RAB6B: variants seen among roughly 807,000 people sequenced by gnomAD.
RAB6B encodes RAB6B, member RAS oncogene family.
A neutral mutation model predicts 31.2 loss-of-function variants in RAB6B; 7 were observed. That is an observed-to-expected ratio of 0.22 (90% CI 0.13 to 0.42). RAB6B has a LOEUF of 0.42. Among genes scored for constraint, RAB6B ranks in the 10% least tolerant of loss-of-function variants. The probability of loss-of-function intolerance (pLI) is 1.00; values close to 1 mark genes in which losing one functional copy is unlikely to be tolerated. For missense variants in RAB6B, 149 were observed against 280.6 expected, an observed-to-expected ratio of 0.53 and a Z score of 3.35; for synonymous variants, 105 against 104.9, an observed-to-expected ratio of 1.00 and a Z score of -0.01.
chr3:133,842,034 C>G (rs1935843919), intron 2 of RAB6B, among the ~76,000 whole-genome samples: 1 of 152,262 alleles, frequency 6.6e-6, no homozygotes, highest in Admixed American at 6.5e-5. Context: ...ATGGCCTAAC[C>G]TGCAGCTTCC....
At chr3:133,875,611 A>G (rs1936384670) in intron 1 of RAB6B, among the ~76,000 whole-genome samples, 1 of 151,864 alleles carries the variant, frequency 6.6e-6, no homozygotes. Flanking sequence ...GCCCTTCCAT[A>G]CTCCCATAGA....
chr3:133,830,741 A>G (rs1419060923), intron 7 of RAB6B, among the ~76,000 whole-genome samples: 1 of 152,184 alleles, frequency 6.6e-6, no homozygotes, highest in Non-Finnish European at 1.5e-5. Flanking sequence ...TCTTGACCCC[A>G]GCCTTCTACT....
intron 1 of RAB6B, among the ~76,000 whole-genome samples, chr3:133,874,708 T>C (rs1329799747): frequency 6.6e-6 from 1 of 152,256 alleles, no homozygotes; most frequent in Non-Finnish European, 1.5e-5. Context: ...ACATTTTGAC[T>C]CTTTTGTAAT....
intron 1 of RAB6B, 34 bp downstream of exon 1, chr3:133,895,363 G>C (rs1455433671): frequency 3.1e-6 from 5 of 1,602,638 alleles, no homozygotes; most frequent in Non-Finnish European, 8.5e-7. Context: ...GGGTCGACTC[G>C]GCGACAAGCC....
At position 133,827,943 on chromosome 3, in the gene RAB6B, G is replaced by C; in HGVS notation, c.*845C>G. The stretch of plus-strand genomic sequence containing the variant: ...TTTCAGAAGTACACATGGCACCCCA[G>C]TCTATAAACCACGCACCACGCAGCT... On this transcript the variant is annotated 3_prime_UTR_variant, in exon 8 of 8. Transcript: ENST00000285208. 1 of 702,974 alleles carries C rather than the reference G, an allele frequency of 1.4e-6. No homozygotes were observed. The highest frequency in any genetic ancestry group is 1.5e-5 in the South Asian group (1 of 67,592). The allele number at this position is 702,974 out of a possible 1,614,324, so 43.5% of individuals were successfully genotyped here. A position where few individuals can be genotyped will look rare whatever the true frequency, so the allele number is the denominator to read the frequency against.
chr3:133,886,879 C>T (rs1303720024), intron 1 of RAB6B, among the ~76,000 whole-genome samples: 2 of 152,162 alleles, frequency 1.3e-5, no homozygotes, highest in Non-Finnish European at 2.9e-5. Context: ...TTCCTGGAAC[C>T]CCAACAAGGT....
Position 133,827,589 on chromosome 3 carries a change from A to T in RAB6B, c.*1199T>A. On this transcript the variant is annotated 3_prime_UTR_variant, in exon 8 of 8. Coordinates refer to ENST00000285208, the MANE Select transcript of RAB6B (RefSeq NM_016577.4). ...CCTCAGGTGACCACAGCGCAGCCAC[A>T]GTAGCCACAAAGATATGTCCACAAA... The T allele has an allele frequency of 2.8e-6, 1 of 355,796 alleles. No homozygotes were observed. The allele number at this position is 355,796 out of a possible 1,614,324, so 22.0% of individuals were successfully genotyped here. A position where few individuals can be genotyped will look rare whatever the true frequency, so the allele number is the denominator to read the frequency against.
At position 133,827,731 on chromosome 3, in the gene RAB6B, G is replaced by A. The variant is rs1405053731; in HGVS notation, c.*1057C>T. 3.4e-6 allele frequency: 2 copies of A among 590,062 alleles called. No homozygotes were observed. Among genetic ancestry groups the A allele is most frequent in the Non-Finnish European group, 6.1e-6 (2 of 329,558 alleles). 36.6% of individuals were successfully genotyped at this position (590,062 alleles called of 1,614,324 possible). On this transcript the variant is annotated 3_prime_UTR_variant, in exon 8 of 8. Transcript: ENST00000285208. ...AAGAACATGGATCTTTCAAGGTGGT[G>A]GTTCTGCAGACAACACCCCCCCCCC...
chr3:133,853,074 T>G (rs1936010523), intron 2 of RAB6B, among the ~76,000 whole-genome samples: 2 of 152,128 alleles, frequency 1.3e-5, no homozygotes, highest in African/African-American at 4.8e-5. Flanking sequence ...TGGAGGGATA[T>G]GGGGACATCA....
intron 1 of RAB6B, among the ~76,000 whole-genome samples, chr3:133,871,180 T>A (rs1326940724): frequency 6.6e-6 from 1 of 152,216 alleles, no homozygotes; most frequent in Non-Finnish European, 1.5e-5. Flanking sequence ...GAATTTGTAG[T>A]GACAAAGCAG....
At chr3:133,837,556 G>A (rs1327857573) in intron 6 of RAB6B, among the ~76,000 whole-genome samples, 1 of 152,310 alleles carries the variant, frequency 6.6e-6, no homozygotes, top group East Asian at 1.9e-4. Flanking sequence ...CTACGGACGG[G>A]TCAGTGGTTA....
At chr3:133,877,570 C>T (rs940614568) in intron 1 of RAB6B, among the ~76,000 whole-genome samples, 5 of 152,002 alleles carry the variant, frequency 3.3e-5, no homozygotes, top group African/African-American at 1.2e-4. Context: ...ACTATCCACA[C>T]ACAACAAGGC....
intron 2 of RAB6B, among the ~76,000 whole-genome samples, chr3:133,862,646 A>T (rs1160128644): frequency 6.6e-6 from 1 of 152,206 alleles, no homozygotes; most frequent in East Asian, 1.9e-4. Flanking sequence ...CAGTAGGAGC[A>T]GGGAAGTCGG....
At chr3:133,882,796 A>G (rs991776064) in intron 1 of RAB6B, among the ~76,000 whole-genome samples, 2 of 152,186 alleles carry the variant, frequency 1.3e-5, no homozygotes, top group Admixed American at 6.5e-5. Flanking sequence ...TTCTGGCCCA[A>G]CATCTGGGGT....
At chr3:133,872,077 A>G (rs1317129772) in intron 1 of RAB6B, among the ~76,000 whole-genome samples, 2 of 152,186 alleles carry the variant, frequency 1.3e-5, no homozygotes, top group Non-Finnish European at 2.9e-5. Flanking sequence ...TCAGTCCCTG[A>G]GCCAGGAAAA....
At chr3:133,870,212 C>A (rs1027965057) in intron 1 of RAB6B, among the ~76,000 whole-genome samples, 2 of 152,090 alleles carry the variant, frequency 1.3e-5, no homozygotes, top group Admixed American at 1.3e-4. Flanking sequence ...CACAAGGCAG[C>A]GGGACAGAGT....
chr3:133,889,907 C>T (rs913259683), intron 1 of RAB6B, among the ~76,000 whole-genome samples: 7 of 152,170 alleles, frequency 4.6e-5, no homozygotes, highest in African/African-American at 1.7e-4. Flanking sequence ...TATGCATCAT[C>T]AGATTAAAGG....
chr3:133,855,088 C>A (rs926472567), intron 2 of RAB6B, among the ~76,000 whole-genome samples: 3 of 152,238 alleles, frequency 2.0e-5, no homozygotes, highest in African/African-American at 7.2e-5. Flanking sequence ...GCATGACAAG[C>A]CTTTGACAAT....
At chr3:133,850,437 A>G (rs1391368394) in intron 2 of RAB6B, among the ~76,000 whole-genome samples, 1 of 152,246 alleles carries the variant, frequency 6.6e-6, no homozygotes, top group Non-Finnish European at 1.5e-5. Flanking sequence ...ACTATGCTCA[A>G]ATATAAAAAT....
Sources: allele counts gnomAD v4.1 joint callset (sites outside exome capture counted in the v4.1 genomes callset), GRCh38; gene constraint gnomAD v4.1.1; transcripts MANE v1.5; gene names NCBI Gene and HGNC (gene_info 2026-07-23, HGNC 2026-07-21).